CEP63: variants seen among roughly 807,000 people sequenced by gnomAD.
The protein encoded by CEP63 is centrosomal protein of 63 kDa.
Under a neutral mutation model 89.1 loss-of-function variants are expected in CEP63, and 84 were observed. That is an observed-to-expected ratio of 0.94 (90% CI 0.79 to 1.13). The LOEUF is 1.13. Among genes scored for constraint, CEP63 ranks in the 50% most tolerant of loss-of-function variants. The probability of loss-of-function intolerance (pLI) is 0.00; values close to 1 mark genes in which losing one functional copy is unlikely to be tolerated. For synonymous variants in CEP63, 267 were observed against 272.5 expected, an observed-to-expected ratio of 0.98 and a Z score of 0.20; for missense variants, 838 against 813.3, an observed-to-expected ratio of 1.03 and a Z score of -0.37.
At chr3:134,554,228 C>T (rs1560031559) in intron 12 of CEP63, among the ~76,000 whole-genome samples, 2 of 150,716 alleles carry the variant, frequency 1.3e-5, no homozygotes, top group African/African-American at 2.4e-5. Flanking sequence ...TGCTATCCCT[C>T]CCCCCTTCCC....
At chr3:134,588,379 T>C, downstream of CEP63, among the ~76,000 whole-genome samples, 1 of 152,174 alleles carries the variant, frequency 6.6e-6, no homozygotes, top group South Asian at 2.1e-4. Context: ...AATAAAATAA[T>C]ATAATCCTTG....
chr3:134,690,912 C>G, the CEP63 span, among the ~76,000 whole-genome samples: 9 of 152,216 alleles, frequency 5.9e-5, no homozygotes, highest in African/African-American at 2.2e-4. Context: ...CCATGCCCAG[C>G]TAATTTTTGT....
At chr3:134,554,213 C>G (rs1955583557) in intron 12 of CEP63, among the ~76,000 whole-genome samples, 1 of 151,602 alleles carries the variant, frequency 6.6e-6, no homozygotes, top group Admixed American at 6.6e-5. Flanking sequence ...AGGTATATCT[C>G]CCAATGCTAT....
chr3:134,618,241 A>G, the CEP63 span, among the ~76,000 whole-genome samples: 2 of 152,156 alleles, frequency 1.3e-5, no homozygotes, highest in Admixed American at 6.5e-5. Flanking sequence ...GCATGCACCC[A>G]GTGCTCGGCA....
the CEP63 span, among the ~76,000 whole-genome samples, chr3:134,660,584 CT>C: frequency 9.9e-5 from 15 of 152,212 alleles, no homozygotes; most frequent in Admixed American, 2.6e-4. Flanking sequence ...TCACAAACAT[CT>C]TTTTTTTCTA....
At chr3:134,601,738 G>A in the CEP63 span, among the ~76,000 whole-genome samples, 1 of 152,232 alleles carries the variant, frequency 6.6e-6, no homozygotes, top group Non-Finnish European at 1.5e-5. Flanking sequence ...GCTCGAGGCC[G>A]CCGGCCTGTT....
At chr3:134,727,854 G>A in the CEP63 span, among the ~76,000 whole-genome samples, 1 of 152,120 alleles carries the variant, frequency 6.6e-6, no homozygotes, top group African/African-American at 2.4e-5. Flanking sequence ...GGGAATATGG[G>A]GGTTTGTTGT....
downstream of CEP63, among the ~76,000 whole-genome samples, chr3:134,565,785 A>T (rs563109068): frequency 3.9e-5 from 6 of 152,268 alleles, no homozygotes; most frequent in East Asian, 9.6e-4. Context: ...ATAAAAAAAA[A>T]AAAAAATCAT....
the CEP63 span, chr3:134,608,004 C>T: frequency 9.6e-7 from 1 of 1,038,106 alleles, no homozygotes; most frequent in Non-Finnish European, 1.2e-6. Flanking sequence ...GCCTGTTCTC[C>T]TCTCCCAAGA....
chr3:134,690,398 G>A, the CEP63 span, among the ~76,000 whole-genome samples: 2 of 152,166 alleles, frequency 1.3e-5, no homozygotes, highest in Admixed American at 1.3e-4. Context: ...GTAACTTGTG[G>A]TGAAGAGTTT....
chr3:134,663,177 G>A, the CEP63 span, among the ~76,000 whole-genome samples: 3 of 152,150 alleles, frequency 2.0e-5, no homozygotes, highest in East Asian at 1.9e-4. Context: ...AGTTTTCTGC[G>A]GGTACATCAT....
the CEP63 span, among the ~76,000 whole-genome samples, chr3:134,664,418 C>G: frequency 1.3e-5 from 2 of 152,308 alleles, no homozygotes; most frequent in East Asian, 1.9e-4. Flanking sequence ...ACCTAGGACA[C>G]AAGCGCAGAC....
chr3:134,625,584 C>A, the CEP63 span, among the ~76,000 whole-genome samples: 7 of 152,230 alleles, frequency 4.6e-5, no homozygotes, highest in Non-Finnish European at 5.9e-5. Context: ...GAGGTCTGTG[C>A]CACAGCCACG....
At chr3:134,513,519 G>A (rs973190034) in intron 3 of CEP63, among the ~76,000 whole-genome samples, 15 of 152,178 alleles carry the variant, frequency 9.9e-5, no homozygotes, top group African/African-American at 2.9e-4. Context: ...TCAGGATGGT[G>A]AACAATTACC....
chr3:134,631,503 A>G, the CEP63 span, among the ~76,000 whole-genome samples: 265 of 151,464 alleles, frequency 1.7e-3, no homozygotes, highest in African/African-American at 5.9e-3. Flanking sequence ...TCTTGATAAT[A>G]TGAATAATAA....
chr3:134,572,564 T>C (rs184130950), intron 11 of CEP63, among the ~76,000 whole-genome samples: 29 of 152,320 alleles, frequency 1.9e-4, no homozygotes, highest in Admixed American at 1.9e-3. Context: ...GCTGCATCCA[T>C]GTTGCTGCAA....
the CEP63 span, among the ~76,000 whole-genome samples, chr3:134,653,079 G>T: frequency 6.6e-6 from 1 of 152,198 alleles, no homozygotes; most frequent in Non-Finnish European, 1.5e-5. Flanking sequence ...GCTGCCAGGG[G>T]TCTGGGGAAA....
At chr3:134,520,265 A>T (rs1193866618) in intron 3 of CEP63, among the ~76,000 whole-genome samples, 2 of 152,322 alleles carry the variant, frequency 1.3e-5, no homozygotes, top group African/African-American at 2.4e-5. Flanking sequence ...AAATTTATTG[A>T]TTCTTTGTAC....
the CEP63 span, among the ~76,000 whole-genome samples, chr3:134,774,346 TAACTC>T: frequency 8.0e-4 from 122 of 152,316 alleles, no homozygotes; most frequent in African/African-American, 2.8e-3. Context: ...ACTTAATTCT[TAACTC>T]AAGGCAATAC....
Sources: gnomAD v4.1 joint callset for allele counts (sites outside exome capture counted in the v4.1 genomes callset) on GRCh38, gnomAD v4.1.1 for gene constraint, MANE v1.5 for transcripts, NCBI Gene and HGNC (gene_info 2026-07-23, HGNC 2026-07-21) for gene names.